The following CYP11A1 variants were observed in gnomAD, a reference collection of about 807,000 sequenced individuals.
CYP11A1 encodes cholesterol side-chain cleavage enzyme, mitochondrial.
CYP11A1 carries 25 observed loss-of-function variants against 51.9 expected under a neutral mutation model. That is an observed-to-expected ratio of 0.48 (90% CI 0.35 to 0.67). The LOEUF (loss-of-function observed/expected upper bound fraction) is 0.67. Among genes scored for constraint, CYP11A1 ranks in the 30% least tolerant of loss-of-function variants. The pLI is 0.00. For missense variants in CYP11A1, 578 were observed against 680.9 expected, an observed-to-expected ratio of 0.85 and a Z score of 1.68; for synonymous variants, 245 against 262.1, an observed-to-expected ratio of 0.93 and a Z score of 0.63.
In CYP11A1 at chr15:74,341,965, C is replaced by T. The variant is rs950875733; in HGVS notation, c.990+1012G>A. On this transcript the variant is annotated intron_variant, in intron 5 of 8. Transcript: ENST00000268053. ...ACCTTGACCTTGAACTTCCAGCCTCCGGAACTGTGAGAAAATCAATGTTTG... is the reference window on the plus strand; with the variant it reads ...ACCTTGACCTTGAACTTCCAGCCTCTGGAACTGTGAGAAAATCAATGTTTG... Among the ~76,000 whole-genome samples, 37 of 152,172 alleles carry T rather than the reference C, an allele frequency of 2.4e-4. 1 individual carries two copies. Among genetic ancestry groups the T allele is most frequent in the African/African-American group, 7.5e-4 (31 of 41,442 alleles).
chr15:74,358,404 T>C (rs1327575268), intron 1 of CYP11A1, among the ~76,000 whole-genome samples: 1 of 152,208 alleles, frequency 6.6e-6, no homozygotes, highest in African/African-American at 2.4e-5. Context: ...TTCTATTCTG[T>C]CGTCATTTCA....
intron 1 of CYP11A1, chr15:74,362,754 T>G (rs1456586687): frequency 6.6e-6 from 1 of 152,240 alleles, no homozygotes; most frequent in African/African-American, 2.4e-5. Flanking sequence ...TTTTTCTTGC[T>G]TATGCCTTCT....
intron 2 of CYP11A1, among the ~76,000 whole-genome samples, chr15:74,347,529 G>A (rs1186332767): frequency 2.6e-5 from 4 of 152,306 alleles, no homozygotes; most frequent in East Asian, 1.9e-4. Context: ...TGGGACTCAC[G>A]GTGGCAGGTC....
At chr15:74,342,632 G>A (rs1437644137) in intron 5 of CYP11A1, among the ~76,000 whole-genome samples, 21 of 152,144 alleles carry the variant, frequency 1.4e-4, no homozygotes, top group Non-Finnish European at 2.9e-4. Flanking sequence ...AGGAGCTGGG[G>A]GCATTGTCCT....
At chr15:74,366,110 G>C (rs971541805) in intron 1 of CYP11A1, 23 of 985,594 alleles carry the variant, frequency 2.3e-5, no homozygotes, top group Non-Finnish European at 2.8e-5. Flanking sequence ...CCCGCGAAGA[G>C]CGCAGGAGCA....
chr15:74,337,888 G>A lies in CYP11A1; in HGVS notation c.*84C>T. On this transcript the variant is annotated 3_prime_UTR_variant, in exon 9 of 9. Transcript: ENST00000268053. ...GGCTGGGCAGAAAGGAGCAGGACTTGGGACAGACGACTGAAGATGCAGAGA... is the reference window on the plus strand; with the variant it reads ...GGCTGGGCAGAAAGGAGCAGGACTTAGGACAGACGACTGAAGATGCAGAGA... The A allele has an allele frequency of 6.3e-7, 1 of 1,579,556 alleles. No individual in the cohort carries two copies. Among genetic ancestry groups the A allele is most frequent in the South Asian group, 1.1e-5 (1 of 89,330 alleles).
intron 1 of CYP11A1, among the ~76,000 whole-genome samples, chr15:74,358,814 A>T (rs147040192): frequency 1.7e-4 from 26 of 152,316 alleles, no homozygotes; most frequent in African/African-American, 5.8e-4. Context: ...AAATCACTCA[A>T]GCAGTTTCTC....
intron 1 of CYP11A1, among the ~76,000 whole-genome samples, chr15:74,351,398 G>A (rs946937100): frequency 6.6e-6 from 1 of 152,094 alleles, no homozygotes; most frequent in African/African-American, 2.4e-5. Flanking sequence ...AATGTTTCTG[G>A]GGGCTTAAAC....
chr15:74,339,417 T>TG (rs1025373899), intron 6 of CYP11A1, 102 bp from the exon 7 acceptor site: 4 of 1,383,512 alleles, frequency 2.9e-6, no homozygotes, highest in African/African-American at 2.8e-5. Flanking sequence ...TGCAGCAGCC[T>TG]GGGGGGACCT....
At chr15:74,342,372 G>A (rs2060611030) in intron 5 of CYP11A1, among the ~76,000 whole-genome samples, 1 of 152,192 alleles carries the variant, frequency 6.6e-6, no homozygotes. Flanking sequence ...ATGAGCCACT[G>A]CGCCCGGCCA....
At chr15:74,367,262 A>C in intron 1 of CYP11A1, 55 bp downstream of exon 1, 1 of 1,608,156 alleles carries the variant, frequency 6.2e-7, no homozygotes. Context: ...CAGCAGGGCT[A>C]CCCAGGCCCC....
chr15:74,356,860 A>G (rs1390198347), intron 1 of CYP11A1, among the ~76,000 whole-genome samples: 1 of 152,064 alleles, frequency 6.6e-6, no homozygotes. Context: ...GTGACTGATC[A>G]TGCACCCCTT....
intron 1 of CYP11A1, chr15:74,350,971 C>T (rs1055170527): frequency 2.6e-5 from 4 of 152,168 alleles, no homozygotes. Flanking sequence ...CGTTTTTCTC[C>T]CTTTCCTTTC....
chr15:74,343,637 G>C, intron 4 of CYP11A1, 152 bp downstream of exon 4: 1 of 731,724 alleles, frequency 1.4e-6, no homozygotes, highest in Non-Finnish European at 2.4e-6. Flanking sequence ...GCCATTTCCA[G>C]GGGTCCCAGG....
chr15:74,338,229 G>C (rs2060588435), intron 8 of CYP11A1, 126 bp from the exon 9 acceptor site: 2 of 1,111,394 alleles, frequency 1.8e-6, no homozygotes, highest in Non-Finnish European at 2.7e-6. Flanking sequence ...TTCACCACCA[G>C]CTCCTGGTGT....
intron 1 of CYP11A1, among the ~76,000 whole-genome samples, chr15:74,360,536 G>A (rs761507030): frequency 3.3e-5 from 5 of 150,162 alleles, no homozygotes; most frequent in African/African-American, 9.8e-5. Context: ...CACCCGCCTC[G>A]GCCTCCCAAA....
At chr15:74,358,729 T>A (rs1461765787) in intron 1 of CYP11A1, among the ~76,000 whole-genome samples, 1 of 152,224 alleles carries the variant, frequency 6.6e-6, no homozygotes, top group Non-Finnish European at 1.5e-5. Context: ...ATTTCTTCCC[T>A]TCTGTCAGAC....
rs543766693 is a variant in CYP11A1, at chr15:74,347,045, A to G, written c.425+855T>C. Among the ~76,000 whole-genome samples, 6 of 152,166 alleles carry G rather than the reference A, an allele frequency of 3.9e-5. No individual in the cohort carries two copies. In the South Asian group the frequency reaches 8.3e-4, roughly 21 times the overall value. On this transcript the variant is annotated intron_variant, in intron 2 of 8. Coordinates refer to ENST00000268053, the MANE Select transcript of CYP11A1 (RefSeq NM_000781.3). ...GGTCTTGAACTCCTGAGCTCAAGCA[A>G]TCTGTCCGCCTTGGCCTCCCAAAGT...
At position 74,343,061 on chromosome 15, in the gene CYP11A1, G is replaced by A. The variant is rs754610683; in HGVS notation, c.906C>T (p.Leu302=). The A allele has an allele frequency of 1.9e-6, 3 of 1,613,850 alleles. No individual in the cohort carries two copies. Among genetic ancestry groups the A allele is most frequent in the Non-Finnish European group, 2.5e-6 (3 of 1,180,038 alleles). The change falls in exon 5 of 9, where the codon CTC becomes CTT. Residue 302 remains leucine (L), a synonymous_variant. Transcript: ENST00000268053. ...TCTTGCTGTCTCCCAGGAGTCTGTA[G>A]AGGATGCCACGGTAATCGTGGTGAA... The part of the protein sequence containing the change: ...GSVHHDYRGI[L]YRLLGDSKMS...
Sources: allele counts gnomAD v4.1 joint callset (sites outside exome capture counted in the v4.1 genomes callset), GRCh38; gene constraint gnomAD v4.1.1; transcripts MANE v1.5; gene names NCBI Gene and HGNC (gene_info 2026-07-23, HGNC 2026-07-21).